The following SUPT3H variants were observed in gnomAD, a reference collection of about 807,000 sequenced individuals.
The protein encoded by SUPT3H is transcription initiation protein SPT3 homolog.
Under a neutral mutation model 44.3 loss-of-function variants are expected in SUPT3H, and 44 were observed. The ratio of observed to expected loss-of-function variants is 0.99; its 90% confidence interval spans 0.78 to 1.28. The LOEUF is 1.28. SUPT3H is among the 50% of genes most tolerant of loss of function. The pLI is 0.00. For missense variants in SUPT3H, 380 were observed against 387.1 expected (o/e 0.98, Z 0.15); for synonymous variants, 124 against 125.6 (o/e 0.99, Z 0.09).
At chr6:45,254,640 C>T (rs1232324810) in intron 2 of SUPT3H, among the ~76,000 whole-genome samples, 1 of 152,108 alleles carries the variant, frequency 6.6e-6, no homozygotes, top group Non-Finnish European at 1.5e-5. Flanking sequence ...AAACAGAAAA[C>T]GCTGAATCAC....
At chr6:45,290,249 T>C (rs1160678118) in intron 2 of SUPT3H, among the ~76,000 whole-genome samples, 24 of 152,098 alleles carry the variant, frequency 1.6e-4, no homozygotes, top group Admixed American at 9.8e-4. Context: ...TTAAAATCAT[T>C]TGGAAAGTAA....
chr6:44,870,825 C>T (rs1402606350), intron 10 of SUPT3H, among the ~76,000 whole-genome samples: 1 of 151,658 alleles, frequency 6.6e-6, no homozygotes, highest in East Asian at 2.0e-4. Flanking sequence ...GCGAGGCATT[C>T]CCTCACCTGG....
intron 3 of SUPT3H, among the ~76,000 whole-genome samples, chr6:45,089,059 T>C (rs1042713884): frequency 2.0e-5 from 3 of 152,068 alleles, no homozygotes; most frequent in African/African-American, 7.2e-5. Flanking sequence ...ATCATATGAA[T>C]GGAAAATATA....
chr6:45,331,117 GT>G (rs1787401065), intron 2 of SUPT3H, among the ~76,000 whole-genome samples: 4 of 149,846 alleles, frequency 2.7e-5, no homozygotes, highest in Non-Finnish European at 5.9e-5. Flanking sequence ...GTGTGTGTGT[GT>G]GTGTGTGTGC....
At chr6:44,920,371 A>G (rs1355220963) in intron 10 of SUPT3H, among the ~76,000 whole-genome samples, 3 of 152,194 alleles carry the variant, frequency 2.0e-5, no homozygotes, top group African/African-American at 7.2e-5. Context: ...CAGGAGTTAG[A>G]GACCAGTCCG....
intron 2 of SUPT3H, among the ~76,000 whole-genome samples, chr6:45,215,739 G>A (rs951244196): frequency 1.6e-4 from 24 of 152,166 alleles, no homozygotes; most frequent in Non-Finnish European, 3.5e-4. Context: ...CCCAAAAGGA[G>A]AAGATACAGG....
At chr6:45,077,231 C>G (rs1795108351) in intron 3 of SUPT3H, among the ~76,000 whole-genome samples, 1 of 152,114 alleles carries the variant, frequency 6.6e-6, no homozygotes, top group Non-Finnish European at 1.5e-5. Context: ...TATATTCATT[C>G]CTGAACAGAC....
intron 2 of SUPT3H, among the ~76,000 whole-genome samples, chr6:45,137,733 A>ATC (rs1405809115): frequency 6.6e-6 from 1 of 151,968 alleles, no homozygotes; most frequent in Non-Finnish European, 1.5e-5. Context: ...ACCAAGAAAT[A>ATC]AAGATATAAG....
At chr6:44,833,890 A>C (rs1210093476) in intron 10 of SUPT3H, among the ~76,000 whole-genome samples, 1 of 152,200 alleles carries the variant, frequency 6.6e-6, no homozygotes, top group African/African-American at 2.4e-5. Flanking sequence ...ATTTTATTTC[A>C]AATTTAAGCT....
At position 45,018,542 on chromosome 6, in the gene SUPT3H, C is replaced by A. The variant is rs74513190; in HGVS notation, c.273+2004G>T. Among the ~76,000 whole-genome samples, 1,447 of 151,988 alleles carry A rather than the reference C, an allele frequency of 9.5e-3. 13 individuals carry two copies. The highest frequency in any genetic ancestry group is 0.016 in the Non-Finnish European group (1,089 of 67,908). ...TCCCATTAATACCTAATTTATTGAG[C>A]GTTTTTAGCATGAAGGGTTGTTGAA... On this transcript the variant is annotated intron_variant, in intron 4 of 10. Coordinates refer to ENST00000371459, the MANE Select transcript of SUPT3H (RefSeq NM_003599.4).
At chr6:45,049,438 TCTC>T (rs1789928870) in intron 3 of SUPT3H, among the ~76,000 whole-genome samples, 1 of 152,272 alleles carries the variant, frequency 6.6e-6, no homozygotes, top group Middle Eastern at 3.4e-3. Context: ...ATGAGTCACT[TCTC>T]CTTTCCACAA....
chr6:45,240,675 G>C (rs1770131300), intron 2 of SUPT3H, among the ~76,000 whole-genome samples: 1 of 152,204 alleles, frequency 6.6e-6, no homozygotes, highest in South Asian at 2.1e-4. Flanking sequence ...ACACCTCTCA[G>C]TCTGCGTGCC....
At chr6:44,953,558 C>G (rs541489343) in intron 8 of SUPT3H, 141 bp from the exon 9 acceptor site, 1 of 637,738 alleles carries the variant, frequency 1.6e-6, no homozygotes, top group Admixed American at 2.7e-5. Flanking sequence ...CATGAGCACA[C>G]ACTTTCATTG....
intron 2 of SUPT3H, among the ~76,000 whole-genome samples, chr6:45,135,560 C>G (rs1804140781): frequency 2.0e-5 from 3 of 152,172 alleles, no homozygotes. Context: ...TCTTATGAAG[C>G]CCTAGGGCAT....
In SUPT3H at chr6:45,094,396, A is replaced by G. The variant is rs1222029245; in HGVS notation, c.186+11526T>C. On this transcript the variant is annotated intron_variant, in intron 3 of 10. Transcript: ENST00000371459. ...TAAGAAAACCAAGTAACATGAGACAATACTTGTAATTTACTGGAAGTGAAA... is the reference window on the plus strand; with the variant it reads ...TAAGAAAACCAAGTAACATGAGACAGTACTTGTAATTTACTGGAAGTGAAA... Among the ~76,000 whole-genome samples the G allele has an allele frequency of 3.3e-5, 5 of 152,186 alleles. No homozygotes were observed. In the East Asian group the frequency reaches 9.6e-4, roughly 29 times the overall value.
At chr6:45,054,807 G>A (rs984363726) in intron 3 of SUPT3H, among the ~76,000 whole-genome samples, 16 of 152,230 alleles carry the variant, frequency 1.1e-4, no homozygotes, top group Admixed American at 6.5e-4. Flanking sequence ...ACTATGAAGT[G>A]AAACCACAGG....
At chr6:44,916,762 T>C (rs1324811699) in intron 10 of SUPT3H, among the ~76,000 whole-genome samples, 1 of 152,202 alleles carries the variant, frequency 6.6e-6, no homozygotes, top group Non-Finnish European at 1.5e-5. Flanking sequence ...TTTTAAATAC[T>C]GCATTTCTTT....
At position 45,280,075 on chromosome 6, in the gene SUPT3H, G is replaced by A. The variant is rs146578057; in HGVS notation, c.101+85126C>T. Among the ~76,000 whole-genome samples the A allele has an allele frequency of 8.0e-4, 121 of 152,030 alleles. 2 individuals are homozygous for A. The East Asian group carries it at 0.02, about 25-fold the overall frequency. On this transcript the variant is annotated intron_variant, in intron 2 of 10. Transcript: ENST00000371459. ...TTATCTTGACTCTTTTAAATATATCGAGAATCTAATCATGTCTCACCATCT... is the reference window on the plus strand; with the variant it reads ...TTATCTTGACTCTTTTAAATATATCAAGAATCTAATCATGTCTCACCATCT...
At chr6:45,303,671 TAAAAAAAAAAAA>T (rs36119324) in intron 2 of SUPT3H, among the ~76,000 whole-genome samples, 2 of 113,068 alleles carry the variant, frequency 1.8e-5, no homozygotes, top group Admixed American at 9.1e-5. Context: ...ATTCTAGAAG[TAAAAAAAAAAAA>T]AAAAAAAAAG....
Sources: allele counts gnomAD v4.1 joint callset (sites outside exome capture counted in the v4.1 genomes callset), GRCh38; gene constraint gnomAD v4.1.1; transcripts MANE v1.5; gene names NCBI Gene and HGNC (gene_info 2026-07-23, HGNC 2026-07-21).